Variants in SCFD2 observed in about 807,000 individuals in gnomAD.
SCFD2 encodes the protein sec1 family domain-containing protein 2.
A neutral mutation model predicts 58.9 loss-of-function variants in SCFD2; 54 were observed. That is an observed-to-expected ratio of 0.92 (90% confidence interval 0.74 to 1.15). The LOEUF (loss-of-function observed/expected upper bound fraction) is 1.15. Among genes scored for constraint, SCFD2 ranks in the 50% most tolerant of loss-of-function variants. SCFD2 has a pLI of 0.00. For missense variants in SCFD2, 805 were observed against 836.6 expected (o/e 0.96, Z 0.47); for synonymous variants, 321 against 335.9 (o/e 0.96, Z 0.49).
At position 53,043,749 on chromosome 4, in the gene SCFD2, T is replaced by C. The variant is rs142818040; in HGVS notation, c.1561+101584A>G. Among the ~76,000 whole-genome samples, 296 of 152,292 alleles carry C rather than the reference T, an allele frequency of 1.9e-3. 2 individuals carry two copies. Among genetic ancestry groups the C allele is most frequent in the Admixed American group, 5.2e-3 (80 of 15,288 alleles). ...AGTGGTAACTGGAAATGGAGAATATTTGGGTACTTCGGTATTATTTAAATA... is the reference window on the plus strand; with the variant it reads ...AGTGGTAACTGGAAATGGAGAATATCTGGGTACTTCGGTATTATTTAAATA... On this transcript the variant is annotated intron_variant, in intron 5 of 8. Coordinates refer to ENST00000401642, the MANE Select transcript of SCFD2 (RefSeq NM_152540.4).
At chr4:53,348,904 A>T (rs1305197338) in intron 2 of SCFD2, among the ~76,000 whole-genome samples, 1 of 151,766 alleles carries the variant, frequency 6.6e-6, no homozygotes, top group Non-Finnish European at 1.5e-5. Context: ...TTTTTTAAGT[A>T]AAGATGGGGT....
At chr4:52,904,254 T>A (rs966386096) in intron 7 of SCFD2, among the ~76,000 whole-genome samples, 1 of 152,166 alleles carries the variant, frequency 6.6e-6, no homozygotes, top group Non-Finnish European at 1.5e-5. Flanking sequence ...AATTATCCCA[T>A]TTGTACGGCA....
At chr4:53,242,468 G>T (rs1729929709) in intron 4 of SCFD2, among the ~76,000 whole-genome samples, 1 of 73,740 alleles carries the variant, frequency 1.4e-5, no homozygotes. Context: ...GGATAAAAGA[G>T]GAAAAAAAAT....
At chr4:53,323,625 C>T (rs2149122020) in intron 2 of SCFD2, among the ~76,000 whole-genome samples, 1 of 150,250 alleles carries the variant, frequency 6.7e-6, no homozygotes, top group African/African-American at 2.4e-5. Flanking sequence ...AGCCATCCTC[C>T]TACCTCAGCC....
chr4:53,324,355 C>T (rs1001624187), intron 2 of SCFD2, among the ~76,000 whole-genome samples: 1 of 142,874 alleles, frequency 7.0e-6, no homozygotes, highest in Non-Finnish European at 1.5e-5. Context: ...GAATTTGAGG[C>T]TACAATGAGC....
chr4:53,140,919 G>T (rs1238376384), intron 5 of SCFD2, among the ~76,000 whole-genome samples: 1 of 152,088 alleles, frequency 6.6e-6, no homozygotes, highest in Non-Finnish European at 1.5e-5. Flanking sequence ...TACAAAAATG[G>T]TTACTTTCTT....
intron 4 of SCFD2, among the ~76,000 whole-genome samples, chr4:53,178,106 C>A (rs528641565): frequency 1.1e-4 from 17 of 152,206 alleles, no homozygotes; most frequent in Non-Finnish European, 2.4e-4. Flanking sequence ...AATGTAAAGA[C>A]AACAGTAACC....
At chr4:52,886,431 C>G (rs1234851325) in intron 7 of SCFD2, among the ~76,000 whole-genome samples, 3 of 152,244 alleles carry the variant, frequency 2.0e-5, no homozygotes, top group Non-Finnish European at 4.4e-5. Flanking sequence ...CCTCTTTCTT[C>G]TTGGGCATGG....
intron 8 of SCFD2, among the ~76,000 whole-genome samples, chr4:52,882,083 G>C (rs966837701): frequency 6.6e-6 from 1 of 152,080 alleles, no homozygotes; most frequent in African/African-American, 2.4e-5. Flanking sequence ...TTTGGCTTTT[G>C]GTTCCAATCA....
intron 8 of SCFD2, 81 bp from the exon 9 acceptor site, chr4:52,874,142 C>T (rs1577788597): frequency 6.3e-6 from 6 of 946,586 alleles, no homozygotes; most frequent in Non-Finnish European, 1.0e-5. Flanking sequence ...AAATAGAATG[C>T]AACAAATGTC....
chr4:53,345,776 G>T (rs1387323534), intron 2 of SCFD2, among the ~76,000 whole-genome samples: 1 of 152,044 alleles, frequency 6.6e-6, no homozygotes, highest in African/African-American at 2.4e-5. Flanking sequence ...CATAAAAAAG[G>T]GTGAGTTCAT....
At chr4:53,175,577 T>A (rs77073502) in intron 4 of SCFD2, among the ~76,000 whole-genome samples, 25 of 152,348 alleles carry the variant, frequency 1.6e-4, no homozygotes, top group Admixed American at 6.5e-4. Context: ...TTATATCTGT[T>A]ATTAGTTTAT....
intron 5 of SCFD2, among the ~76,000 whole-genome samples, chr4:52,968,259 G>C (rs1007643204): frequency 2.0e-5 from 3 of 152,236 alleles, no homozygotes; most frequent in South Asian, 4.1e-4. Context: ...ACTACGCAGA[G>C]AGCATTGTTG....
At chr4:53,251,414 G>A (rs1255068345) in intron 4 of SCFD2, among the ~76,000 whole-genome samples, 2 of 152,112 alleles carry the variant, frequency 1.3e-5, no homozygotes, top group African/African-American at 2.4e-5. Context: ...ACCAAAGCCT[G>A]GCAGAGACAC....
intron 5 of SCFD2, among the ~76,000 whole-genome samples, chr4:53,076,386 G>A (rs1723975050): frequency 6.6e-6 from 1 of 152,118 alleles, no homozygotes; most frequent in Non-Finnish European, 1.5e-5. Context: ...TGGCAGGCAA[G>A]AGCGGACCCA....
chr4:53,188,418 GGTGTGTGTGTGTGTGT>G (rs56120914), intron 4 of SCFD2, among the ~76,000 whole-genome samples: 32 of 143,560 alleles, frequency 2.2e-4, no homozygotes, highest in Admixed American at 5.6e-4. Flanking sequence ...CTTCAAAACT[GGTGTGTGTGTGTGTGT>G]GTGTGTGTGT....
chr4:52,990,531 T>C (rs1028523948), intron 5 of SCFD2, among the ~76,000 whole-genome samples: 2 of 152,198 alleles, frequency 1.3e-5, no homozygotes, highest in African/African-American at 4.8e-5. Flanking sequence ...GAGGCTAGCA[T>C]TATTCCCATT....
chr4:53,267,372 G>T (rs1281604852), intron 4 of SCFD2, among the ~76,000 whole-genome samples: 2 of 152,098 alleles, frequency 1.3e-5, no homozygotes, highest in Non-Finnish European at 2.9e-5. Flanking sequence ...TAAACTAATG[G>T]ATGAGTATAT....
intron 5 of SCFD2, among the ~76,000 whole-genome samples, chr4:52,963,193 T>C (rs1720889904): frequency 6.6e-6 from 1 of 152,200 alleles, no homozygotes; most frequent in South Asian, 2.1e-4. Context: ...AAACTGTATC[T>C]TCCCAAGTTT....
Sources: gnomAD v4.1 joint callset for allele counts (sites outside exome capture counted in the v4.1 genomes callset) on GRCh38, gnomAD v4.1.1 for gene constraint, MANE v1.5 for transcripts, NCBI Gene and HGNC (gene_info 2026-07-23, HGNC 2026-07-21) for gene names.